Variants in HIVEP1 observed in about 807,000 individuals in gnomAD.
The protein encoded by HIVEP1 is zinc finger protein 40.
In HIVEP1, 36 loss-of-function variants were observed where a neutral mutation model predicts 180.0. The ratio of observed to expected loss-of-function variants is 0.20; its 90% CI spans 0.15 to 0.26. The LOEUF is 0.26. Among genes scored for constraint, HIVEP1 ranks in the 10% least tolerant of loss-of-function variants. The pLI, the probability that HIVEP1 is intolerant of heterozygous loss-of-function variation, is 1.00. For missense variants in HIVEP1, 3,143 were observed against 3,268.7 expected, an observed-to-expected ratio of 0.96 and a Z score of 0.94; for synonymous variants, 1,239 against 1,239.0, an observed-to-expected ratio of 1.00 and a Z score of 0.00.
At position 12,124,870 on chromosome 6, in the gene HIVEP1, G is replaced by A. The variant is rs1757959670; in HGVS notation, c.5075G>A (p.Gly1692Asp). 3 of 1,614,188 alleles carry A rather than the reference G, an allele frequency of 1.9e-6. No homozygotes were observed. Among genetic ancestry groups the A allele is most frequent in the Admixed American group, 1.7e-5 (1 of 60,020 alleles). Residue 1692 changes from glycine to aspartate, a missense_variant, in exon 4 of 9, where the codon GGT (glycine) becomes GAT (aspartate). Around this residue, in one of 12 missense-constraint regions of HIVEP1, gnomAD observed 1,357 missense variants for 1,260.5 expected, o/e 1.08. Transcript: ENST00000379388. ...EQNSVPTLQK[G>D]HQNALPNPEK... is the part of the protein sequence containing the mutation. Reference sequence around the variant, plus strand: ...AATTCTGTGCCAACATTACAAAAAGGTCATCAGAATGCTTTGCCAAACCCA... The same window carrying A: ...AATTCTGTGCCAACATTACAAAAAGATCATCAGAATGCTTTGCCAAACCCA...
chr6:12,094,871 A>T (rs1364245250), intron 3 of HIVEP1, among the ~76,000 whole-genome samples: 1 of 152,022 alleles, frequency 6.6e-6, no homozygotes, highest in Non-Finnish European at 1.5e-5. Flanking sequence ...GTACCTTTGT[A>T]GGCAAGTCTT....
intron 2 of HIVEP1, among the ~76,000 whole-genome samples, chr6:12,072,951 A>G (rs1772082044): frequency 6.6e-6 from 1 of 151,780 alleles, no homozygotes; most frequent in Non-Finnish European, 1.5e-5. Context: ...TGTAGTTCTT[A>G]TTCTTTTTAC....
chr6:12,010,765 C>T (rs1311820095), upstream of HIVEP1, among the ~76,000 whole-genome samples: 2 of 152,206 alleles, frequency 1.3e-5, no homozygotes, highest in African/African-American at 4.8e-5. Context: ...ACCTTCGTTA[C>T]CCTGGTCCAG....
intron 3 of HIVEP1, among the ~76,000 whole-genome samples, chr6:12,117,362 C>T (rs1020840328): frequency 1.3e-5 from 2 of 152,180 alleles, no homozygotes; most frequent in African/African-American, 4.8e-5. Flanking sequence ...AAAATCAAAA[C>T]GTGTAGTTCA....
chr6:12,172,785 G>A, the HIVEP1 span, among the ~76,000 whole-genome samples: 2 of 148,954 alleles, frequency 1.3e-5, no homozygotes, highest in African/African-American at 5.0e-5. Flanking sequence ...GTTAAAACAC[G>A]GTCCTTTTTT....
chr6:12,206,460 CACAGAGAAAGAGAGAG>C, the HIVEP1 span, among the ~76,000 whole-genome samples: 1 of 151,996 alleles, frequency 6.6e-6, no homozygotes, highest in African/African-American at 2.4e-5. Flanking sequence ...AACACACACA[CACAGAGAAAGAGAGAG>C]ACAGAGAAAG....
At chr6:12,026,272 A>G (rs1420525752) in intron 2 of HIVEP1, among the ~76,000 whole-genome samples, 1 of 152,246 alleles carries the variant, frequency 6.6e-6, no homozygotes, top group Admixed American at 6.5e-5. Flanking sequence ...CCCAAGGGAA[A>G]GTGGAGCAAA....
At chr6:12,080,679 G>GT (rs1454503548) in intron 2 of HIVEP1, among the ~76,000 whole-genome samples, 2 of 152,064 alleles carry the variant, frequency 1.3e-5, no homozygotes. Flanking sequence ...ACTTTTAAAA[G>GT]TTTTTTTCTG....
chr6:12,131,081 G>C, intron 6 of HIVEP1, 139 bp downstream of exon 6: 1 of 492,368 alleles, frequency 2.0e-6, no homozygotes, highest in Non-Finnish European at 3.5e-6. Context: ...CAATGTTGTA[G>C]TCTTATTACT....
chr6:12,112,419 T>A (rs1348464497), intron 3 of HIVEP1, among the ~76,000 whole-genome samples: 1 of 152,206 alleles, frequency 6.6e-6, no homozygotes, highest in Non-Finnish European at 1.5e-5. Context: ...TTATGCTTAT[T>A]CTTTCGTATC....
At chr6:12,204,898 T>C in the HIVEP1 span, among the ~76,000 whole-genome samples, 4 of 152,018 alleles carry the variant, frequency 2.6e-5, no homozygotes, top group African/African-American at 9.7e-5. Flanking sequence ...ATCAATAACA[T>C]AAAAATGTAA....
chr6:12,020,125 C>A, intron 2 of HIVEP1: 1 of 287,360 alleles, frequency 3.5e-6, no homozygotes, highest in Non-Finnish European at 7.2e-6. Context: ...GAGACAGTGT[C>A]CGACTTGATG....
chr6:12,015,489 G>T (rs1428022430), intron 1 of HIVEP1, 37 bp from the exon 2 acceptor site: 1 of 690,264 alleles, frequency 1.4e-6, no homozygotes, highest in African/African-American at 1.8e-5. Context: ...TCCTCTGAAG[G>T]TAGTAAAATG....
intron 7 of HIVEP1, among the ~76,000 whole-genome samples, chr6:12,154,107 A>G (rs1357367620): frequency 6.6e-6 from 1 of 152,188 alleles, no homozygotes; most frequent in Non-Finnish European, 1.5e-5. Flanking sequence ...TGTGTATTCC[A>G]TATATACAAG....
At position 12,121,091 on chromosome 6, in the gene HIVEP1, AC is replaced by A. The variant is rs1463839432; in HGVS notation, c.1299del (p.Tyr434IlefsTer4). 1 of 1,614,168 alleles carries A rather than the reference AC, an allele frequency of 6.2e-7. No homozygotes were observed. ...ATATCCGCTCCCACACTGGAGAGCGACCCTATCCCTGTGTGACTTGTGGATT... is the reference window on the plus strand; with the variant it reads ...ATATCCGCTCCCACACTGGAGAGCGACCTATCCCTGTGTGACTTGTGGATT... ...KHIRSHTGER[P>X]YPCVTCGFSF... On this transcript the variant is annotated frameshift_variant, in exon 4 of 9. Coordinates refer to ENST00000379388, the MANE Select transcript of HIVEP1 (RefSeq NM_002114.4). LOFTEE classifies it high-confidence loss of function. This position sits in a 1 kb window ranked among gnomAD's most constrained non-coding sequence, Gnocchi z 5.3.
chr6:12,070,935 A>G (rs1260132548), intron 2 of HIVEP1, among the ~76,000 whole-genome samples: 2 of 152,178 alleles, frequency 1.3e-5, no homozygotes, highest in Non-Finnish European at 2.9e-5. Flanking sequence ...AAGCACTCCC[A>G]ATTTTCTCTA....
chr6:12,075,387 C>G (rs1772284161), intron 2 of HIVEP1, among the ~76,000 whole-genome samples: 1 of 152,146 alleles, frequency 6.6e-6, no homozygotes, highest in Non-Finnish European at 1.5e-5. Context: ...AGTGGTAGTT[C>G]AGAAATTATT....
chr6:12,137,164 G>C (rs1312755201), intron 7 of HIVEP1, among the ~76,000 whole-genome samples: 1 of 152,206 alleles, frequency 6.6e-6, no homozygotes, highest in African/African-American at 2.4e-5. Flanking sequence ...GCTAGGAAAA[G>C]TGGAAAAGTG....
At position 12,017,262 on chromosome 6, in the gene HIVEP1, C is replaced by A. The variant is rs142314163; in HGVS notation, c.40+1594C>A. On this transcript the variant is annotated intron_variant, in intron 2 of 8. Coordinates refer to ENST00000379388, the MANE Select transcript of HIVEP1 (RefSeq NM_002114.4). ...GGTGGGTTCTTGGTCTCACTGACTT[C>A]AAGAATGAAGCCACAGGCCCTCGCC... Among the ~76,000 whole-genome samples the A allele has an allele frequency of 6.2e-3, 943 of 152,272 alleles. 13 individuals carry two copies. Among genetic ancestry groups the A allele is most frequent in the African/African-American group, 0.022 (912 of 41,542 alleles).
Sources: allele counts gnomAD v4.1 joint callset (sites outside exome capture counted in the v4.1 genomes callset), GRCh38; gene constraint gnomAD v4.1.1; regional missense constraint gnomAD v4.1.1; non-coding constraint Gnocchi (gnomAD v3.1); transcripts MANE v1.5; gene names NCBI Gene and HGNC (gene_info 2026-07-23, HGNC 2026-07-21).